ELF2: variants seen among roughly 807,000 people sequenced by gnomAD.
The protein encoded by ELF2 is E74 like ETS transcription factor 2.
Under a neutral mutation model 54.8 loss-of-function variants are expected in ELF2, and 11 were observed. That is an observed-to-expected ratio of 0.20 (90% CI 0.13 to 0.33). The LOEUF (loss-of-function observed/expected upper bound fraction) is 0.33, where lower values mean the gene tolerates loss of function less well. Ranked by LOEUF, ELF2 falls within the 10% of genes least tolerant of loss-of-function variation. The pLI, the probability that ELF2 is intolerant of heterozygous loss-of-function variation, is 1.00. For missense variants in ELF2, 513 were observed against 703.0 expected (o/e 0.73, Z 3.06); for synonymous variants, 203 against 245.1 (o/e 0.83, Z 1.61).
chr4:139,090,946 T>TGTTTTGTTTC (rs1266005187), intron 4 of ELF2, among the ~76,000 whole-genome samples: 2 of 152,032 alleles, frequency 1.3e-5, no homozygotes, highest in African/African-American at 4.8e-5. Context: ...TGTTTTGTTT[T>TGTTTTGTTTC]GTTTTGAGAT....
At chr4:139,153,443 AAAATAAAT>A (rs536362017) in intron 1 of ELF2, among the ~76,000 whole-genome samples, 5 of 151,730 alleles carry the variant, frequency 3.3e-5, no homozygotes, top group African/African-American at 9.7e-5. Context: ...TCAAAAAATA[AAAATAAAT>A]AAATAAATAA....
At chr4:139,067,117 A>C (rs895443253) in intron 7 of ELF2, 7 of 135,726 alleles carry the variant, frequency 5.2e-5, no homozygotes, top group African/African-American at 1.4e-4. Context: ...ACAAAAAATT[A>C]AAAAAAAAAA....
chr4:139,148,959 G>A (rs1279741105), intron 1 of ELF2, among the ~76,000 whole-genome samples: 1 of 152,164 alleles, frequency 6.6e-6, no homozygotes, highest in African/African-American at 2.4e-5. Flanking sequence ...CGGTACAAAT[G>A]TCTTCATAAA....
chr4:139,083,987 C>T (rs2148734316), intron 4 of ELF2: 2 of 1,351,162 alleles, frequency 1.5e-6, no homozygotes, highest in East Asian at 2.5e-5. Context: ...ACTTCATTCA[C>T]TCCCCCCTTT....
chr4:139,132,858 AT>A (rs1160928685), intron 3 of ELF2, among the ~76,000 whole-genome samples: 6 of 138,476 alleles, frequency 4.3e-5, no homozygotes, highest in Non-Finnish European at 9.3e-5. Flanking sequence ...ATATATATAT[AT>A]ATATATATAT....
intron 1 of ELF2, among the ~76,000 whole-genome samples, chr4:139,157,305 C>T (rs955382729): frequency 6.6e-6 from 1 of 152,142 alleles, no homozygotes; most frequent in Non-Finnish European, 1.5e-5. Flanking sequence ...TGTATCTGAT[C>T]CATCACTGAC....
intron 4 of ELF2, among the ~76,000 whole-genome samples, chr4:139,084,999 G>A (rs1035389056): frequency 7.9e-5 from 12 of 152,068 alleles, no homozygotes; most frequent in Admixed American, 5.9e-4. Flanking sequence ...CCAACCTCTG[G>A]AGATGAGACT....
chr4:139,125,421 T>C, intron 3 of ELF2, 92 bp from the exon 4 acceptor site: 2 of 1,437,468 alleles, frequency 1.4e-6, no homozygotes, highest in South Asian at 1.4e-5. Context: ...TCTCGAGCAG[T>C]CCACATAATG....
intron 4 of ELF2, chr4:139,114,856 G>C: frequency 6.2e-7 from 1 of 1,600,982 alleles, no homozygotes; most frequent in Non-Finnish European, 8.5e-7. Context: ...GGGTCCCCCG[G>C]TATTGCTGTT....
intron 4 of ELF2, among the ~76,000 whole-genome samples, chr4:139,124,314 T>C (rs1287918403): frequency 6.6e-6 from 1 of 152,210 alleles, no homozygotes; most frequent in Admixed American, 6.5e-5. Flanking sequence ...AGAACAGTTT[T>C]ATGCTGGAAG....
chr4:139,072,645 G>A (rs1224845781), intron 5 of ELF2, among the ~76,000 whole-genome samples: 1 of 152,132 alleles, frequency 6.6e-6, no homozygotes, highest in African/African-American at 2.4e-5. Context: ...TTGTTATCTG[G>A]TATTCTAGTA....
At chr4:139,125,803 C>A (rs1328144421) in intron 3 of ELF2, among the ~76,000 whole-genome samples, 5 of 144,784 alleles carry the variant, frequency 3.5e-5, no homozygotes, top group African/African-American at 1.0e-4. Context: ...AAAAAAAAAT[C>A]TGAGAAACAA....
intron 1 of ELF2, among the ~76,000 whole-genome samples, chr4:139,149,250 A>G (rs1739597238): frequency 6.6e-6 from 1 of 152,244 alleles, no homozygotes; most frequent in African/African-American, 2.4e-5. Context: ...AAGTCTCTGG[A>G]CATAAATCAA....
At chr4:139,063,662 C>T (rs1217362106) in intron 7 of ELF2, among the ~76,000 whole-genome samples, 1 of 152,046 alleles carries the variant, frequency 6.6e-6, no homozygotes, top group African/African-American at 2.4e-5. Context: ...AACAACAATG[C>T]AAGAAATAAA....
At chr4:139,113,854 CAAAA>C (rs34276246) in intron 4 of ELF2, among the ~76,000 whole-genome samples, 1 of 145,254 alleles carries the variant, frequency 6.9e-6, no homozygotes. Context: ...GACCATGTCT[CAAAA>C]AAAAAAAAAA....
upstream of ELF2, among the ~76,000 whole-genome samples, chr4:139,177,540 C>T (rs533084436): frequency 3.9e-5 from 6 of 152,238 alleles, no homozygotes; most frequent in South Asian, 1.2e-3. Context: ...CCCAAACCCG[C>T]CTTCCCAGGT....
At chr4:139,062,901 T>C (rs148142256) in intron 7 of ELF2, among the ~76,000 whole-genome samples, 1 of 152,150 alleles carries the variant, frequency 6.6e-6, no homozygotes, top group African/African-American at 2.4e-5. Context: ...CCCTCAACCC[T>C]TTAAGGATTT....
chr4:139,059,352 T>C lies in ELF2; in HGVS notation c.1413A>G (p.Gln471=), dbSNP rs774660607. The change falls in exon 10 of 10, where the codon CAA becomes CAG. Residue 471 remains glutamine, a synonymous_variant. Transcript: ENST00000686138. The stretch of plus-strand genomic sequence containing the variant: ...CAGTCAGATTTGACTTTGTCTGCAG[T>C]TGACACTGTGCAAGCTGTGTAGCTG... ...TIPATQLAQC[Q]LQTKSNLTGS... The C allele has an allele frequency of 1.2e-5, 20 of 1,613,996 alleles. No homozygotes were observed. The highest frequency in any genetic ancestry group is 5.0e-5 in the Admixed American group (3 of 60,012).
At position 139,115,250 on chromosome 4, in the gene ELF2, C is replaced by A. The variant is rs1735535472; in HGVS notation, c.238+9914G>T. The A allele has an allele frequency of 1.2e-5, 20 of 1,609,206 alleles. No individual in the cohort carries two copies. In the South Asian group the frequency reaches 2.0e-4, roughly 16 times the overall value. ...ACTGGGCCCTCATCGTCCGCGCCGC[C>A]CGGGCCCTCTCCTGCGGTCCCGGGG... On this transcript the variant is annotated intron_variant, in intron 4 of 9. Coordinates refer to ENST00000686138, the MANE Select transcript of ELF2 (RefSeq NM_001331036.3).
Sources: gnomAD v4.1 joint callset for allele counts (sites outside exome capture counted in the v4.1 genomes callset) on GRCh38, gnomAD v4.1.1 for gene constraint, MANE v1.5 for transcripts, NCBI Gene and HGNC (gene_info 2026-07-23, HGNC 2026-07-21) for gene names.